The following PTBP2 variants were observed in gnomAD, a reference collection of about 807,000 sequenced individuals.
PTBP2 encodes the protein polypyrimidine tract binding protein 2.
In PTBP2, 13 loss-of-function variants were observed where a neutral mutation model predicts 61.4. That is an observed-to-expected ratio of 0.21 (90% CI 0.14 to 0.34). PTBP2 has a LOEUF of 0.34. PTBP2 is among the 10% of genes least tolerant of loss of function. The pLI is 1.00. For synonymous variants in PTBP2, 215 were observed against 218.5 expected (o/e 0.98, Z 0.14); for missense variants, 405 against 642.6 (o/e 0.63, Z 4.00).
At chr1:96,734,157 T>C (rs1651823438) in intron 2 of PTBP2, among the ~76,000 whole-genome samples, 1 of 152,186 alleles carries the variant, frequency 6.6e-6, no homozygotes, top group Non-Finnish European at 1.5e-5. Flanking sequence ...TTAGACACAA[T>C]AGTATCATGA....
At chr1:96,774,749 G>C (rs982414525) in intron 5 of PTBP2, among the ~76,000 whole-genome samples, 1 of 151,950 alleles carries the variant, frequency 6.6e-6, no homozygotes, top group Non-Finnish European at 1.5e-5. Context: ...CAGCCAGTAC[G>C]TATCTTTCTC....
intron 3 of PTBP2, among the ~76,000 whole-genome samples, chr1:96,760,794 A>G (rs931875413): frequency 3.9e-5 from 6 of 152,272 alleles, no homozygotes; most frequent in Middle Eastern, 3.4e-3. Flanking sequence ...TTTATGGTCC[A>G]TAACTTCTAC....
At chr1:96,743,045 G>T (rs1014371659) in intron 2 of PTBP2, among the ~76,000 whole-genome samples, 1 of 152,032 alleles carries the variant, frequency 6.6e-6, no homozygotes, top group East Asian at 1.9e-4. Flanking sequence ...CCAGCACTTC[G>T]GGAGGCTGAG....
At chr1:96,748,075 GTACCTTTC>G (rs1654074859) in intron 2 of PTBP2, among the ~76,000 whole-genome samples, 1 of 152,002 alleles carries the variant, frequency 6.6e-6, no homozygotes, top group East Asian at 1.9e-4. Context: ...ACCTGGGTAC[GTACCTTTC>G]TTCCTCTCTG....
intron 3 of PTBP2, 50 bp downstream of exon 3, chr1:96,751,550 A>G: frequency 7.1e-7 from 1 of 1,404,250 alleles, no homozygotes; most frequent in Non-Finnish European, 1.0e-6. Context: ...TAGGGGGCAG[A>G]ATGTTAAAAC....
chr1:96,803,190 AG>A (rs1661195499), intron 8 of PTBP2, among the ~76,000 whole-genome samples: 1 of 152,192 alleles, frequency 6.6e-6, no homozygotes, highest in Admixed American at 6.5e-5. Context: ...ATTGTGCATT[AG>A]TAAGTATTAA....
chr1:96,756,502 A>G (rs1300221066), intron 3 of PTBP2, among the ~76,000 whole-genome samples: 2 of 152,242 alleles, frequency 1.3e-5, no homozygotes, highest in Non-Finnish European at 2.9e-5. Flanking sequence ...GGATGTTTAT[A>G]GCACCTTTCT....
At chr1:96,790,994 CT>C (rs1447238494) in intron 8 of PTBP2, among the ~76,000 whole-genome samples, 1 of 143,770 alleles carries the variant, frequency 7.0e-6, no homozygotes, top group Non-Finnish European at 1.5e-5. Context: ...TTATAAATCA[CT>C]TTTCTCGTAT....
chr1:96,773,289 T>TAATC (rs1238104813), intron 5 of PTBP2, among the ~76,000 whole-genome samples: 1 of 152,088 alleles, frequency 6.6e-6, no homozygotes, highest in African/African-American at 2.4e-5. Flanking sequence ...ACAGAAGGAA[T>TAATC]AATCAATGCA....
At chr1:96,756,532 A>G (rs771745561) in intron 3 of PTBP2, among the ~76,000 whole-genome samples, 6 of 152,226 alleles carry the variant, frequency 3.9e-5, no homozygotes, top group Non-Finnish European at 1.5e-5. Flanking sequence ...CCAGAACTTC[A>G]TAGCAACCAA....
At chr1:96,780,015 C>A (rs1173885933) in intron 7 of PTBP2, among the ~76,000 whole-genome samples, 1 of 151,992 alleles carries the variant, frequency 6.6e-6, no homozygotes, top group Non-Finnish European at 1.5e-5. Context: ...TAGAAATTTT[C>A]CCTTCTACCA....
At chr1:96,754,230 G>A (rs1654905981) in intron 3 of PTBP2, among the ~76,000 whole-genome samples, 1 of 152,112 alleles carries the variant, frequency 6.6e-6, no homozygotes, top group Non-Finnish European at 1.5e-5. Flanking sequence ...AGACTGAATG[G>A]CATAACTTGG....
intron 3 of PTBP2, among the ~76,000 whole-genome samples, chr1:96,759,221 C>T (rs1655509686): frequency 6.6e-6 from 1 of 152,082 alleles, no homozygotes; most frequent in Non-Finnish European, 1.5e-5. Context: ...ATTGGGATGG[C>T]ATTGAATCTA....
intron 9 of PTBP2, 38 bp downstream of exon 9, chr1:96,804,977 CA>C (rs1661364484): frequency 6.9e-7 from 1 of 1,438,910 alleles, no homozygotes; most frequent in Non-Finnish European, 9.3e-7. Flanking sequence ...TCTTTAACTC[CA>C]TTTCATTTGT....
At chr1:96,777,971 A>AT (rs35880836) in intron 7 of PTBP2, 25 bp downstream of exon 7, 2,639 of 1,284,436 alleles carry the variant, frequency 2.1e-3, no homozygotes, top group South Asian at 3.6e-3. Context: ...TGAGATGGTG[A>AT]TTTTTTTTTA....
At chr1:96,822,590 G>T (rs533831767) in exon 14 of PTBP2, 1 of 152,208 alleles carries the variant, frequency 6.6e-6, no homozygotes, top group East Asian at 1.9e-4. Context: ...AATTGATTTA[G>T]TTTTTGTATG....
chr1:96,813,565 G>C lies in PTBP2; in HGVS notation c.*160G>C. On this transcript the variant is annotated 3_prime_UTR_variant, in exon 14 of 14. Transcript: ENST00000674951. The stretch of plus-strand genomic sequence containing the variant: ...TGTTATCATTCCTTGGTTATAAAAT[G>C]AAATGGCATATGTAAAGGCAGAGTT... 1 of 571,880 alleles carries C rather than the reference G, an allele frequency of 1.7e-6. No individual in the cohort carries two copies. The highest frequency in any genetic ancestry group is 2.7e-6 in the Non-Finnish European group (1 of 376,136). 35.4% of individuals were successfully genotyped at this position (571,880 alleles called of 1,614,324 possible). A position where few individuals can be genotyped will look rare whatever the true frequency, so the allele number is the denominator to read the frequency against.
At chr1:96,798,600 A>G (rs984766049) in intron 8 of PTBP2, among the ~76,000 whole-genome samples, 1 of 152,224 alleles carries the variant, frequency 6.6e-6, no homozygotes, top group African/African-American at 2.4e-5. Context: ...GTTCAAAATC[A>G]TAGAGTAAAC....
intron 1 of PTBP2, 28 bp downstream of exon 1, chr1:96,721,900 T>G: frequency 6.4e-7 from 1 of 1,571,142 alleles, no homozygotes; most frequent in Non-Finnish European, 8.6e-7. Flanking sequence ...CGAGAAGGTG[T>G]GTGTGAGAGA....
Sources: gnomAD v4.1 joint callset for allele counts (sites outside exome capture counted in the v4.1 genomes callset) on GRCh38, gnomAD v4.1.1 for gene constraint, MANE v1.5 for transcripts, NCBI Gene and HGNC (gene_info 2026-07-23, HGNC 2026-07-21) for gene names.